The following DIAPH1 variants were observed in gnomAD, a reference collection of about 807,000 sequenced individuals.
DIAPH1 encodes the protein protein diaphanous homolog 1.
Under a neutral mutation model 140.7 loss-of-function variants are expected in DIAPH1, and 46 were observed. The ratio of observed to expected loss-of-function variants is 0.33; its 90% CI spans 0.26 to 0.42. The LOEUF (loss-of-function observed/expected upper bound fraction) is 0.42, where lower values mean the gene tolerates loss of function less well. DIAPH1 is among the 10% of genes least tolerant of loss of function. The pLI, the probability that DIAPH1 is intolerant of heterozygous loss-of-function variation, is 1.00. For missense variants in DIAPH1, 1,310 were observed against 1,558.7 expected, an observed-to-expected ratio of 0.84 and a Z score of 2.69; for synonymous variants, 565 against 551.6, an observed-to-expected ratio of 1.02 and a Z score of -0.34.
rs2099894167 is a variant in DIAPH1, at chr5:141,565,061, T to C, written c.2482+6367A>G. On this transcript the variant is annotated intron_variant, in intron 18 of 27. Transcript: ENST00000389054. The surrounding 1 kb of genome is among the most constrained non-coding windows in gnomAD (Gnocchi z 4.3). ...ACAAGTTTGCAAAGACAATTAAAAATGGATGTTTCCTTCAGCATTGCTTGT... is the reference window on the plus strand; with the variant it reads ...ACAAGTTTGCAAAGACAATTAAAAACGGATGTTTCCTTCAGCATTGCTTGT... The C allele has an allele frequency of 6.6e-6, 1 of 152,238 alleles. No individual in the cohort carries two copies. The highest frequency in any genetic ancestry group is 6.5e-5 in the Admixed American group (1 of 15,274). 9.4% of individuals were successfully genotyped at this position (152,238 alleles called of 1,614,324 possible). A position where few individuals can be genotyped will look rare whatever the true frequency, so the allele number is the denominator to read the frequency against.
intron 1 of DIAPH1, among the ~76,000 whole-genome samples, chr5:141,595,510 G>A (rs891171461): frequency 5.3e-5 from 8 of 152,250 alleles, no homozygotes; most frequent in African/African-American, 1.9e-4. Context: ...TAGGATCATG[G>A]GGACAGTCTC....
intron 1 of DIAPH1, among the ~76,000 whole-genome samples, chr5:141,602,965 A>G (rs1455304542): frequency 6.6e-6 from 1 of 152,184 alleles, no homozygotes. Context: ...GTAGAGTTGG[A>G]GTACCCACTT....
At chr5:141,571,156 A>G (rs1596376057) in intron 18 of DIAPH1, among the ~76,000 whole-genome samples, 1 of 152,244 alleles carries the variant, frequency 6.6e-6, no homozygotes, top group Non-Finnish European at 1.5e-5. Context: ...GTAAGGTAAT[A>G]GTATTATTGC....
At chr5:141,521,732 A>G (rs2099886570) in intron 27 of DIAPH1, among the ~76,000 whole-genome samples, 2 of 152,230 alleles carry the variant, frequency 1.3e-5, no homozygotes, top group Admixed American at 6.5e-5. Flanking sequence ...AGTCAGAGAC[A>G]GCCAGGCAAG....
At chr5:141,583,422 C>A (rs921249161) in intron 5 of DIAPH1, 63 bp downstream of exon 5, 8 of 1,613,258 alleles carry the variant, frequency 5.0e-6, no homozygotes, top group Non-Finnish European at 6.8e-6. Context: ...CTTTGATCTT[C>A]AATCACCACC....
In DIAPH1 at chr5:141,538,312, G is replaced by A. The variant is rs937416060; in HGVS notation, c.2483-3879C>T. ...CCTGACCTCGTGATCTGCCCGCCTCGGCCTCCCAAAGAGCTGGGATTACAG... is the reference window on the plus strand; with the variant it reads ...CCTGACCTCGTGATCTGCCCGCCTCAGCCTCCCAAAGAGCTGGGATTACAG... On this transcript the variant is annotated intron_variant, in intron 18 of 27. Transcript: ENST00000389054. Among the ~76,000 whole-genome samples the A allele has an allele frequency of 7.3e-5, 11 of 150,836 alleles. No homozygotes were observed. In the South Asian group the frequency reaches 2.3e-3, roughly 32 times the overall value.
rs539249765 is a variant in DIAPH1 at position 141,541,968 on chromosome 5, T to C, written c.2483-7535A>G. On this transcript the variant is annotated intron_variant, in intron 18 of 27. Coordinates refer to ENST00000389054, the MANE Select transcript of DIAPH1 (RefSeq NM_005219.5). ...TTGAAAGATGTATATTTTCCCCAAA[T>C]CGATCTACAGATTCAACATATCCTT... Among the ~76,000 whole-genome samples, 19 of 152,236 alleles carry C rather than the reference T, an allele frequency of 1.2e-4. No individual in the cohort carries two copies. In the South Asian group the frequency reaches 3.9e-3, roughly 32 times the overall value.
intron 1 of DIAPH1, among the ~76,000 whole-genome samples, chr5:141,607,245 G>A (rs116715905): frequency 2.6e-4 from 40 of 152,158 alleles, no homozygotes; most frequent in African/African-American, 9.4e-4. Context: ...AGAAACAACA[G>A]GGCCCAAAGA....
At chr5:141,615,624 T>C (rs1430881500) in intron 1 of DIAPH1, among the ~76,000 whole-genome samples, 1 of 151,622 alleles carries the variant, frequency 6.6e-6, no homozygotes, top group Non-Finnish European at 1.5e-5. Context: ...GTGCCTGTAG[T>C]CCCAGCTACT....
At chr5:141,558,014 G>T (rs1308622144) in intron 18 of DIAPH1, among the ~76,000 whole-genome samples, 1 of 152,166 alleles carries the variant, frequency 6.6e-6, no homozygotes, top group Non-Finnish European at 1.5e-5. Context: ...GTGCCAGACA[G>T]TAAAGCGAAG....
At chr5:141,547,421 C>T (rs1042837744) in intron 18 of DIAPH1, among the ~76,000 whole-genome samples, 13 of 151,578 alleles carry the variant, frequency 8.6e-5, no homozygotes, top group African/African-American at 2.7e-4. Flanking sequence ...GCCAAGATCG[C>T]GGCACTGCAC....
At chr5:141,588,640 C>T (rs186072425) in intron 1 of DIAPH1, among the ~76,000 whole-genome samples, 17 of 152,054 alleles carry the variant, frequency 1.1e-4, no homozygotes, top group Admixed American at 6.6e-4. Context: ...CTTTCATGTC[C>T]GTCTAGTCAC....
intron 18 of DIAPH1, among the ~76,000 whole-genome samples, chr5:141,570,302 T>C (rs2099894982): frequency 6.6e-6 from 1 of 152,210 alleles, no homozygotes; most frequent in African/African-American, 2.4e-5. Flanking sequence ...AATTTTGACT[T>C]TGTCAACTAG....
chr5:141,588,191 A>G, intron 2 of DIAPH1, 33 bp downstream of exon 2: 1 of 1,583,690 alleles, frequency 6.3e-7, no homozygotes, highest in Non-Finnish European at 8.7e-7. Flanking sequence ...GCAATGAGCT[A>G]GAACATGCAC....
At chr5:141,590,936 T>C (rs1279350526) in intron 1 of DIAPH1, among the ~76,000 whole-genome samples, 1 of 152,002 alleles carries the variant, frequency 6.6e-6, no homozygotes, top group East Asian at 1.9e-4. Context: ...CCACATCCAT[T>C]CTCCATACTA....
intron 18 of DIAPH1, among the ~76,000 whole-genome samples, chr5:141,539,429 T>A (rs1163122343): frequency 9.8e-6 from 1 of 101,658 alleles, no homozygotes; most frequent in African/African-American, 6.6e-5. Context: ...TTTTTTTTTT[T>A]GTTTTTTTTT....
At chr5:141,553,650 A>C (rs1300595695) in intron 18 of DIAPH1, among the ~76,000 whole-genome samples, 1 of 151,676 alleles carries the variant, frequency 6.6e-6, no homozygotes, top group Non-Finnish European at 1.5e-5. Flanking sequence ...TCTCAAAAAA[A>C]CCCCCCAAGA....
At chr5:141,618,727 C>T in intron 1 of DIAPH1, 71 bp downstream of exon 1, 1 of 1,169,326 alleles carries the variant, frequency 8.6e-7, no homozygotes, top group Non-Finnish European at 1.2e-6. Flanking sequence ...GCAGGCGCCC[C>T]AGGGGCCGGC....
chr5:141,605,576 T>C (rs1299875089), intron 1 of DIAPH1, among the ~76,000 whole-genome samples: 3 of 152,206 alleles, frequency 2.0e-5, no homozygotes, highest in Admixed American at 2.0e-4. Flanking sequence ...TTACAAAGTT[T>C]AGGTATGACA....
Sources: allele counts gnomAD v4.1 joint callset (sites outside exome capture counted in the v4.1 genomes callset), GRCh38; gene constraint gnomAD v4.1.1; non-coding constraint Gnocchi (gnomAD v3.1); transcripts MANE v1.5; gene names NCBI Gene and HGNC (gene_info 2026-07-23, HGNC 2026-07-21).